Variants in TRPC5 observed in about 807,000 individuals in gnomAD.
The protein encoded by TRPC5 is transient receptor potential cation channel subfamily C member 5.
In TRPC5, 9 loss-of-function variants were observed where a neutral mutation model predicts 56.5. That is an observed-to-expected ratio of 0.16 (90% confidence interval 0.10 to 0.28). TRPC5 has a LOEUF of 0.28. TRPC5 is among the 10% of genes least tolerant of loss of function. The pLI, the probability that TRPC5 is intolerant of heterozygous loss-of-function variation, is 1.00. For missense variants in TRPC5, 469 were observed against 748.9 expected (o/e 0.63, Z 4.36); for synonymous variants, 282 against 278.5 (o/e 1.01, Z -0.13).
At chrX:111,957,725 TCTA>T (rs1927273709) in intron 1 of TRPC5, among the ~76,000 whole-genome samples, 1 of 112,157 alleles carries the variant, frequency 8.9e-6, no homozygotes, top group African/African-American at 3.2e-5. Context: ...TTGCTGTGCA[TCTA>T]CTATTTGTCA....
intron 8 of TRPC5, 108 bp from the exon 9 acceptor site, chrX:111,781,314 C>T: frequency 1.5e-6 from 1 of 680,284 alleles, no homozygotes; most frequent in Non-Finnish European, 2.3e-6. Flanking sequence ...GAGAATGCTA[C>T]AGGAGCTCCT....
At chrX:112,045,497 A>G (rs1929994669) in intron 1 of TRPC5, among the ~76,000 whole-genome samples, 1 of 112,286 alleles carries the variant, frequency 8.9e-6, no homozygotes, top group African/African-American at 3.2e-5. Context: ...TGTTTTAAGC[A>G]GAATTCGTTA....
chrX:111,993,520 A>G (rs1242349965), intron 1 of TRPC5, among the ~76,000 whole-genome samples: 1 of 112,190 alleles, frequency 8.9e-6, no homozygotes, highest in Non-Finnish European at 1.9e-5. Flanking sequence ...TCCCACCAAC[A>G]GTGTAAAAGC....
intron 1 of TRPC5, among the ~76,000 whole-genome samples, chrX:111,993,429 A>G (rs1283413700): frequency 1.8e-5 from 2 of 112,051 alleles, no homozygotes; most frequent in African/African-American, 3.2e-5. Context: ...TAATGGGATC[A>G]CTGGATCAAA....
At chrX:112,035,971 G>A (rs867904278) in intron 1 of TRPC5, among the ~76,000 whole-genome samples, 2 of 105,092 alleles carry the variant, frequency 1.9e-5, no homozygotes, top group Admixed American at 1.0e-4. Flanking sequence ...ATATATATAT[G>A]TATATATATA....
chrX:111,906,008 G>A (rs1355277286), intron 3 of TRPC5, among the ~76,000 whole-genome samples: 1 of 110,294 alleles, frequency 9.1e-6, no homozygotes, highest in Non-Finnish European at 1.9e-5. Flanking sequence ...GGTGGACAAG[G>A]GGGCCACAGT....
chrX:111,836,535 C>G (rs1922568432), intron 6 of TRPC5, among the ~76,000 whole-genome samples: 1 of 112,085 alleles, frequency 8.9e-6, no homozygotes, highest in South Asian at 3.8e-4. Context: ...TCAAATGTCA[C>G]TTCTTCAGAG....
chrX:111,868,754 G>A (rs1488126883), intron 3 of TRPC5, among the ~76,000 whole-genome samples: 1 of 111,941 alleles, frequency 8.9e-6, no homozygotes, highest in Non-Finnish European at 1.9e-5. Flanking sequence ...AGAAACAGCA[G>A]TTACTGGCTA....
chrX:111,910,994 C>T (rs1434048522), intron 3 of TRPC5, among the ~76,000 whole-genome samples: 1 of 112,825 alleles, frequency 8.9e-6, no homozygotes, highest in Non-Finnish European at 1.9e-5. Context: ...AATAAGGGGA[C>T]TCATGGGTGG....
intron 1 of TRPC5, among the ~76,000 whole-genome samples, chrX:112,079,108 C>T (rs1331002310): frequency 9.0e-6 from 1 of 111,722 alleles, no homozygotes; most frequent in Non-Finnish European, 1.9e-5. Flanking sequence ...GCACAGAGTA[C>T]TTTGGGGAGA....
chrX:111,888,693 C>CA (rs753735549), intron 3 of TRPC5, among the ~76,000 whole-genome samples: 795 of 10,722 alleles, frequency 0.074, 39 homozygotes, highest in East Asian at 0.12. Flanking sequence ...GACTCTATCT[C>CA]AAAAAAAAAA....
chrX:112,076,341 AT>A (rs1427388182), intron 1 of TRPC5, among the ~76,000 whole-genome samples: 2 of 111,232 alleles, frequency 1.8e-5, no homozygotes, highest in Admixed American at 1.9e-4. Flanking sequence ...GTGCCTGGTG[AT>A]TTCTTGGACT....
chrX:111,998,665 C>A (rs1054016380), intron 1 of TRPC5, among the ~76,000 whole-genome samples: 2 of 111,394 alleles, frequency 1.8e-5, no homozygotes, highest in Non-Finnish European at 1.9e-5. Context: ...TTTTTCCAAC[C>A]AATCATGGGT....
chrX:111,847,104 A>T lies in TRPC5; in HGVS notation c.1700+10T>A. ...AAAATAAATAAATAAAGGAAAGGGG[A>T]TCGTCTTACGTGGAGAAGGCATTGT... On this transcript the variant is annotated intron_variant, in intron 6 of 10. Transcript: ENST00000262839. 8.5e-7 allele frequency: 1 copy of T among 1,181,998 alleles called. No individual in the cohort carries two copies. Among genetic ancestry groups the T allele is most frequent in the Non-Finnish European group, 1.1e-6 (1 of 881,558 alleles).
intron 2 of TRPC5, among the ~76,000 whole-genome samples, chrX:111,921,568 C>T (rs772663959): frequency 1.8e-5 from 2 of 110,569 alleles, no homozygotes; most frequent in South Asian, 7.8e-4. Flanking sequence ...CAAAATCATA[C>T]TGAAAGATCT....
intron 1 of TRPC5, among the ~76,000 whole-genome samples, chrX:111,996,129 A>G (rs1490504884): frequency 8.9e-5 from 10 of 112,021 alleles, no homozygotes; most frequent in African/African-American, 1.6e-4. Flanking sequence ...TTAGTGCTAT[A>G]AATTTCCCTC....
chrX:112,019,462 A>G (rs865952620), intron 1 of TRPC5, among the ~76,000 whole-genome samples: 1 of 109,478 alleles, frequency 9.1e-6, no homozygotes, highest in African/African-American at 3.3e-5. Flanking sequence ...TTGGGATGGA[A>G]TCTCGCTCTG....
intron 1 of TRPC5, among the ~76,000 whole-genome samples, chrX:112,039,626 T>C (rs1182208471): frequency 2.7e-5 from 3 of 111,799 alleles, no homozygotes; most frequent in African/African-American, 9.8e-5. Context: ...ATGTTTGCAG[T>C]AAAAATGGAC....
intron 1 of TRPC5, among the ~76,000 whole-genome samples, chrX:112,049,721 T>G (rs1930165794): frequency 9.0e-6 from 1 of 110,937 alleles, no homozygotes; most frequent in Non-Finnish European, 1.9e-5. Flanking sequence ...AGAAAGGCTG[T>G]CTGAACATAG....
Sources: allele counts gnomAD v4.1 joint callset (sites outside exome capture counted in the v4.1 genomes callset), GRCh38; gene constraint gnomAD v4.1.1; transcripts MANE v1.5; gene names NCBI Gene and HGNC (gene_info 2026-07-23, HGNC 2026-07-21).